Variants in DGLUCY observed in about 807,000 individuals in gnomAD.
DGLUCY encodes D-glutamate cyclase, mitochondrial.
A neutral mutation model predicts 58.5 loss-of-function variants in DGLUCY; 58 were observed. The ratio of observed to expected loss-of-function variants is 0.99; its 90% CI spans 0.80 to 1.23. The LOEUF (loss-of-function observed/expected upper bound fraction) is 1.23. DGLUCY is among the 50% of genes most tolerant of loss of function. The pLI, the probability that DGLUCY is intolerant of heterozygous loss-of-function variation, is 0.00. For missense variants in DGLUCY, 779 were observed against 784.7 expected, an observed-to-expected ratio of 0.99 and a Z score of 0.09; for synonymous variants, 325 against 314.1, an observed-to-expected ratio of 1.03 and a Z score of -0.37.
At chr14:91,133,723 T>G (rs2046167884) in intron 1 of DGLUCY, among the ~76,000 whole-genome samples, 1 of 152,130 alleles carries the variant, frequency 6.6e-6, no homozygotes, top group Non-Finnish European at 1.5e-5. Context: ...CCATACTGTT[T>G]TCACAGAGGG....
intron 1 of DGLUCY, chr14:91,060,707 A>T: frequency 3.0e-6 from 1 of 338,128 alleles, no homozygotes; most frequent in Non-Finnish European, 5.3e-6. Flanking sequence ...CCAGCAAGGT[A>T]AGGGAGCCAT....
At chr14:91,158,359 CCT>C (rs1056687305) in intron 2 of DGLUCY, among the ~76,000 whole-genome samples, 2 of 152,222 alleles carry the variant, frequency 1.3e-5, no homozygotes, top group Admixed American at 6.5e-5. Flanking sequence ...TGTTCTCTCC[CCT>C]GTGTCCCCAC....
intron 1 of DGLUCY, among the ~76,000 whole-genome samples, chr14:91,072,877 C>T (rs866880236): frequency 1.3e-5 from 2 of 151,990 alleles, no homozygotes; most frequent in Admixed American, 6.6e-5. Flanking sequence ...GGCACGGTGG[C>T]GGGCGCCTGT....
intron 1 of DGLUCY, among the ~76,000 whole-genome samples, chr14:91,087,001 G>A (rs1011793227): frequency 2.6e-5 from 4 of 152,170 alleles, no homozygotes; most frequent in Non-Finnish European, 5.9e-5. Flanking sequence ...GACAAGGACA[G>A]GACTGACCGC....
intron 1 of DGLUCY, among the ~76,000 whole-genome samples, chr14:91,123,317 T>C (rs1409637778): frequency 2.6e-5 from 4 of 152,162 alleles, no homozygotes; most frequent in Admixed American, 6.5e-5. Context: ...CCAAGCATAT[T>C]CCCATGCTGC....
chr14:91,120,639 G>C (rs2045297350), intron 1 of DGLUCY, among the ~76,000 whole-genome samples: 1 of 152,122 alleles, frequency 6.6e-6, no homozygotes, highest in African/African-American at 2.4e-5. Flanking sequence ...CTTGAACTCT[G>C]TCCTCAGGTG....
chr14:91,141,563 T>C (rs1335179088), intron 1 of DGLUCY, among the ~76,000 whole-genome samples: 16 of 151,102 alleles, frequency 1.1e-4, no homozygotes. Context: ...ATTTTTTTTT[T>C]TTTTTTTGAA....
chr14:91,097,750 T>C (rs192679040), intron 1 of DGLUCY, among the ~76,000 whole-genome samples: 1 of 150,846 alleles, frequency 6.6e-6, no homozygotes, highest in Non-Finnish European at 1.5e-5. Context: ...CTTGGCTCAC[T>C]GCAACCTCCA....
At chr14:91,219,236 T>A (rs957625040) in intron 13 of DGLUCY, among the ~76,000 whole-genome samples, 19 of 151,738 alleles carry the variant, frequency 1.3e-4, no homozygotes, top group South Asian at 2.1e-4. Context: ...CAGAAAACAG[T>A]GCTTAGCTCA....
intron 1 of DGLUCY, among the ~76,000 whole-genome samples, chr14:91,140,671 A>AAAAC (rs1165964448): frequency 6.6e-6 from 1 of 152,192 alleles, no homozygotes; most frequent in Non-Finnish European, 1.5e-5. Context: ...ACCCCTTTCC[A>AAAAC]AAACAAACAA....
chr14:91,064,326 C>T (rs565346434), intron 1 of DGLUCY, among the ~76,000 whole-genome samples: 3 of 152,136 alleles, frequency 2.0e-5, no homozygotes, highest in African/African-American at 7.2e-5. Context: ...GCCAGAGGTA[C>T]GAATGAGATT....
At chr14:91,190,241 C>T (rs1050045911) in intron 9 of DGLUCY, among the ~76,000 whole-genome samples, 2 of 152,050 alleles carry the variant, frequency 1.3e-5, no homozygotes, top group African/African-American at 4.8e-5. Context: ...CCCGCCTCGG[C>T]CTCCCAAAGT....
At chr14:91,190,540 GCCTTTGAGT>G (rs1177344952) in intron 9 of DGLUCY, among the ~76,000 whole-genome samples, 1 of 152,028 alleles carries the variant, frequency 6.6e-6, no homozygotes, top group Non-Finnish European at 1.5e-5. Context: ...GGAGGAGGTG[GCCTTTGAGT>G]CCAGAATTCA....
chr14:91,111,115 C>T (rs1198052859), upstream of DGLUCY, among the ~76,000 whole-genome samples: 1 of 152,004 alleles, frequency 6.6e-6, no homozygotes, highest in Non-Finnish European at 1.5e-5. Context: ...ATTTATTTCT[C>T]ACTGTTCCGG....
intron 1 of DGLUCY, among the ~76,000 whole-genome samples, chr14:91,138,448 G>A (rs1002625299): frequency 3.3e-5 from 5 of 152,026 alleles, no homozygotes; most frequent in Admixed American, 2.0e-4. Context: ...CCAAGATTGC[G>A]CCATTGCACT....
chr14:91,099,999 G>A (rs1239456446), intron 1 of DGLUCY, among the ~76,000 whole-genome samples: 1 of 147,996 alleles, frequency 6.8e-6, no homozygotes, highest in Non-Finnish European at 1.5e-5. Flanking sequence ...AGGTTGCGGT[G>A]AGCCAAGATC....
At chr14:91,222,001 C>T (rs1288918767) in intron 13 of DGLUCY, among the ~76,000 whole-genome samples, 1 of 152,194 alleles carries the variant, frequency 6.6e-6, no homozygotes, top group Non-Finnish European at 1.5e-5. Context: ...CATCCACACA[C>T]TCAGCCACCC....
chr14:91,101,506 C>G (rs1032607572), intron 1 of DGLUCY, among the ~76,000 whole-genome samples: 9 of 152,164 alleles, frequency 5.9e-5, no homozygotes, highest in African/African-American at 2.2e-4. Context: ...ATCCCTGATG[C>G]CCTTACAATG....
At chr14:91,074,665 T>G (rs2043989270) in intron 1 of DGLUCY, among the ~76,000 whole-genome samples, 1 of 152,142 alleles carries the variant, frequency 6.6e-6, no homozygotes, top group African/African-American at 2.4e-5. Flanking sequence ...TAAACAGCAT[T>G]TATTAGGTTG....
Sources: gnomAD v4.1 joint callset for allele counts (sites outside exome capture counted in the v4.1 genomes callset) on GRCh38, gnomAD v4.1.1 for gene constraint, MANE v1.5 for transcripts, NCBI Gene and HGNC (gene_info 2026-07-23, HGNC 2026-07-21) for gene names.